Variants in TBX18 observed in about 807,000 individuals in gnomAD.
TBX18 encodes T-box transcription factor TBX18.
Under a neutral mutation model 55.0 loss-of-function variants are expected in TBX18, and 21 were observed. The observed-to-expected ratio is 0.38, with a 90% CI of 0.27 to 0.55. The LOEUF is 0.55. TBX18 is among the 20% of genes least tolerant of loss of function. The pLI, the probability that TBX18 is intolerant of heterozygous loss-of-function variation, is 0.73. For missense variants in TBX18, 840 were observed against 799.6 expected (o/e 1.05, Z -0.61); for synonymous variants, 342 against 326.1 (o/e 1.05, Z -0.53).
At position 84,762,733 on chromosome 6, in the gene TBX18, C is replaced by A; in HGVS notation, c.308G>T (p.Gly103Val). ...ERGAAGGCED[G>V]FQQGASPLAS... ...CAGAGGGGAAGCTCCCTGCTGGAAG[C>A]CGTCCTCACAGCCGCCTGGACAGCA... The change falls in exon 2 of 8, where the codon GGC becomes GTC. Residue 103 changes from glycine (G) to valine (V), a missense_variant. Gly to Val is a moderately radical substitution (Grantham distance 109). Coordinates refer to ENST00000369663, the MANE Select transcript of TBX18 (RefSeq NM_001080508.3). 6.2e-7 allele frequency: 1 copy of A among 1,605,546 alleles called. No homozygotes were observed. Among genetic ancestry groups the A allele is most frequent in the Non-Finnish European group, 8.5e-7 (1 of 1,176,496 alleles).
At chr6:84,747,143 G>C (rs940507738) in intron 5 of TBX18, among the ~76,000 whole-genome samples, 1 of 150,696 alleles carries the variant, frequency 6.6e-6, no homozygotes, top group African/African-American at 2.4e-5. Flanking sequence ...TAAATGTAAA[G>C]AGAAATGGAG....
rs1020181028 is a variant in TBX18, at chr6:84,763,780, G to C, written c.292+110C>G. 14 of 1,418,726 alleles carry C rather than the reference G, an allele frequency of 9.9e-6. 1 individual carries two copies. Among genetic ancestry groups the C allele is most frequent in the Non-Finnish European group, 1.3e-5 (14 of 1,093,596 alleles). 87.9% of individuals were successfully genotyped at this position (1,418,726 alleles called of 1,614,324 possible). On this transcript the variant is annotated intron_variant, in intron 1 of 7. Coordinates refer to ENST00000369663, the MANE Select transcript of TBX18 (RefSeq NM_001080508.3). ...GACTGACACGGCCAATGCGCTAGTG[G>C]CTGAGTGGCCTTGGCCATGTAGGGA...
intron 7 of TBX18, 113 bp downstream of exon 7, chr6:84,738,384 G>A (rs1051705679): frequency 2.2e-5 from 19 of 850,736 alleles, no homozygotes; most frequent in Non-Finnish European, 3.6e-5. Context: ...GTAGGACAAT[G>A]CTGGTGATGA....
At chr6:84,760,218 T>G (rs74587058) in intron 3 of TBX18, 37 bp downstream of exon 3, 2 of 833,714 alleles carry the variant, frequency 2.4e-6, no homozygotes, top group Non-Finnish European at 3.3e-6. Flanking sequence ...AATCCTAGTG[T>G]TTTTTTTTTT....
intron 6 of TBX18, chr6:84,741,949 C>T (rs1304855945): frequency 1.3e-5 from 2 of 152,010 alleles, no homozygotes; most frequent in African/African-American, 4.8e-5. Context: ...GTGTCTTTTG[C>T]ATTTGTCAAC....
At position 84,738,429 on chromosome 6, in the gene TBX18, A is replaced by G. The variant is rs898911986; in HGVS notation, c.1099+68T>C. ...TGTAAGTATAAATAATGACTTGTAC[A>G]CTTTTAGTGCCTGAGTTTCTAGGCA... On this transcript the variant is annotated intron_variant, in intron 7 of 7. Transcript: ENST00000369663. The G allele has an allele frequency of 9.3e-6, 11 of 1,178,952 alleles. No individual in the cohort carries two copies. The African/African-American group carries it at 1.4e-4, about 15-fold the overall frequency. The allele number at this position is 1,178,952 out of a possible 1,614,324, so 73.0% of individuals were successfully genotyped here.
At chr6:84,747,592 T>A (rs1767229944) in intron 5 of TBX18, among the ~76,000 whole-genome samples, 1 of 152,214 alleles carries the variant, frequency 6.6e-6, no homozygotes, top group Non-Finnish European at 1.5e-5. Context: ...TGCTCTATGA[T>A]ACAATTCATT....
At chr6:84,762,815 G>A in intron 1 of TBX18, 67 bp from the exon 2 acceptor site, 1 of 1,458,066 alleles carries the variant, frequency 6.9e-7, no homozygotes, top group Non-Finnish European at 9.4e-7. Flanking sequence ...CCGCGGAGAC[G>A]GGCCCACCTG....
chr6:84,750,579 A>G (rs1476074878), intron 4 of TBX18, among the ~76,000 whole-genome samples: 1 of 152,162 alleles, frequency 6.6e-6, no homozygotes, highest in African/African-American at 2.4e-5. Flanking sequence ...TAGAAAACTA[A>G]GGTCTACACA....
chr6:84,764,322 A>C lies in TBX18; in HGVS notation c.-141T>G. The C allele has an allele frequency of 8.5e-7, 1 of 1,182,302 alleles. No homozygotes were observed. The highest frequency in any genetic ancestry group is 1.1e-6 in the Non-Finnish European group (1 of 906,842). The allele number at this position is 1,182,302 out of a possible 1,614,324, so 73.2% of individuals were successfully genotyped here. On this transcript the variant is annotated 5_prime_UTR_variant, in exon 1 of 8. Coordinates refer to ENST00000369663, the MANE Select transcript of TBX18 (RefSeq NM_001080508.3). Reference sequence around the variant, plus strand: ...CCCCCTTCCCCACCGCGGGCAAAAAACAGATTTGGCGTTTCCGCTTTCTCG... The same window carrying C: ...CCCCCTTCCCCACCGCGGGCAAAAACCAGATTTGGCGTTTCCGCTTTCTCG...
intron 3 of TBX18, among the ~76,000 whole-genome samples, chr6:84,759,428 T>C (rs1489734979): frequency 1.3e-5 from 2 of 152,066 alleles, no homozygotes; most frequent in African/African-American, 4.8e-5. Context: ...ACAAGCAAAA[T>C]TTAAAACAGT....
intron 5 of TBX18, among the ~76,000 whole-genome samples, chr6:84,745,287 T>C (rs1767152589): frequency 6.6e-6 from 1 of 151,748 alleles, no homozygotes; most frequent in African/African-American, 2.4e-5. Flanking sequence ...ATAAATACCA[T>C]CCCATCTGCT....
At chr6:84,744,437 T>A in intron 5 of TBX18, 112 bp from the exon 6 acceptor site, 2 of 794,788 alleles carry the variant, frequency 2.5e-6, no homozygotes, top group Non-Finnish European at 4.0e-6. Flanking sequence ...CTCTATTGTA[T>A]AAGCCTCTTT....
At chr6:84,751,528 G>A (rs1472640246) in intron 4 of TBX18, among the ~76,000 whole-genome samples, 1 of 152,170 alleles carries the variant, frequency 6.6e-6, no homozygotes, top group Admixed American at 6.5e-5. Flanking sequence ...GGAGAAACAA[G>A]CCTCAGTTCC....
chr6:84,737,898 C>T (rs1448094658), intron 7 of TBX18, among the ~76,000 whole-genome samples: 1 of 152,208 alleles, frequency 6.6e-6, no homozygotes, highest in Non-Finnish European at 1.5e-5. Context: ...ATAGCAAATT[C>T]TCACTGGAAT....
rs117602481 is a variant in TBX18 at position 84,756,889 on chromosome 6, C to G, written c.600-20G>C. ...ACATACCTAGAAGGCAATGACCAGGCGTTCAGTATACTGTTTTTATCTTGG... is the reference window on the plus strand; with the variant it reads ...ACATACCTAGAAGGCAATGACCAGGGGTTCAGTATACTGTTTTTATCTTGG... On this transcript the variant is annotated intron_variant, in intron 3 of 7. Transcript: ENST00000369663. The G allele has an allele frequency of 0.013, 20,500 of 1,611,562 alleles. 183 individuals carry two copies. The highest frequency in any genetic ancestry group is 0.014 in the Non-Finnish European group (17,045 of 1,178,234).
chr6:84,756,592 C>T, intron 4 of TBX18, 106 bp downstream of exon 4: 1 of 1,085,764 alleles, frequency 9.2e-7, no homozygotes, highest in Admixed American at 2.1e-5. Context: ...ACTAATCAAT[C>T]AGGCAATGAA....
chr6:84,744,027 G>A (rs1389442958), intron 6 of TBX18, among the ~76,000 whole-genome samples: 1 of 152,170 alleles, frequency 6.6e-6, no homozygotes, highest in Non-Finnish European at 1.5e-5. Context: ...ACAGCATGCA[G>A]TGTACATCCT....
At position 84,764,461 on chromosome 6, in the gene TBX18, C is replaced by T. The variant is rs914545989; in HGVS notation, c.-280G>A. ...TTGCTCCCACCCCTTCCACCTCCTC[C>T]TGCTGCTCCGAGGTCTGCCTCAACT... On this transcript the variant is annotated 5_prime_UTR_variant, in exon 1 of 8. Transcript: ENST00000369663. The T allele has an allele frequency of 1.9e-5, 8 of 411,546 alleles. No homozygotes were observed. In the East Asian group the frequency reaches 3.1e-4, roughly 16 times the overall value. The allele number at this position is 411,546 out of a possible 1,614,324, so 25.5% of individuals were successfully genotyped here.
Sources: allele counts gnomAD v4.1 joint callset (sites outside exome capture counted in the v4.1 genomes callset), GRCh38; gene constraint gnomAD v4.1.1; transcripts MANE v1.5; gene names NCBI Gene and HGNC (gene_info 2026-07-23, HGNC 2026-07-21).